The following PCDHGB2 variants were observed in gnomAD, a reference collection of about 807,000 sequenced individuals.
The protein encoded by PCDHGB2 is protocadherin gamma-B2.
A neutral mutation model predicts 59.3 loss-of-function variants in PCDHGB2; 55 were observed. The ratio of observed to expected loss-of-function variants is 0.93; its 90% CI spans 0.75 to 1.16. The LOEUF (loss-of-function observed/expected upper bound fraction) is 1.16, where lower values mean the gene tolerates loss of function less well. PCDHGB2 is among the 50% of genes most tolerant of loss of function. The pLI is 0.00. For missense variants in PCDHGB2, 1,228 were observed against 1,198.5 expected, an observed-to-expected ratio of 1.02 and a Z score of -0.36; for synonymous variants, 516 against 512.0, an observed-to-expected ratio of 1.01 and a Z score of -0.11.
chr5:141,422,131 G>T (rs747294750), intron 1 of PCDHGB2: 3 of 1,598,182 alleles, frequency 1.9e-6, no homozygotes, highest in Non-Finnish European at 2.6e-6. Context: ...AACTGGAGAA[G>T]TTCAAGTACG....
chr5:141,450,470 A>AGTTT (rs199699353), intron 1 of PCDHGB2, among the ~76,000 whole-genome samples: 2,037 of 151,800 alleles, frequency 0.013, 39 homozygotes, highest in African/African-American at 0.044. Flanking sequence ...TTATATATAG[A>AGTTT]GTTTGTTTGT....
At chr5:141,389,266 A>C in intron 1 of PCDHGB2, 1 of 1,614,022 alleles carries the variant, frequency 6.2e-7, no homozygotes, top group Non-Finnish European at 8.5e-7. Flanking sequence ...CACGTGGCCG[A>C]GAACAACCCG....
chr5:141,370,355 C>A, intron 1 of PCDHGB2: 3 of 1,508,892 alleles, frequency 2.0e-6, no homozygotes, highest in Non-Finnish European at 1.8e-6. Flanking sequence ...TAAAGATCTC[C>A]TCTCCTCGGA....
intron 1 of PCDHGB2, chr5:141,374,095 G>C (rs774100259): frequency 6.4e-7 from 1 of 1,556,900 alleles, no homozygotes. Context: ...TGGCGCCTCC[G>C]CAGAGGCATC....
chr5:141,397,805 A>G (rs1015155491), intron 1 of PCDHGB2, among the ~76,000 whole-genome samples: 1 of 152,236 alleles, frequency 6.6e-6, no homozygotes, highest in African/African-American at 2.4e-5. Flanking sequence ...TAAGTTAGGC[A>G]CACAAAAACA....
intron 2 of PCDHGB2, among the ~76,000 whole-genome samples, chr5:141,499,015 AG>A (rs2099788530): frequency 6.6e-6 from 1 of 151,284 alleles, no homozygotes; most frequent in Non-Finnish European, 1.5e-5. Context: ...GAAGGAAGGA[AG>A]GAAGGAAGGA....
At chr5:141,374,158 G>T in intron 1 of PCDHGB2, 1 of 1,612,410 alleles carries the variant, frequency 6.2e-7, no homozygotes, top group Non-Finnish European at 8.5e-7. Flanking sequence ...CGCTGTGGGG[G>T]GCCGCGGCAG....
intron 1 of PCDHGB2, chr5:141,428,502 G>T: frequency 7.1e-6 from 2 of 282,686 alleles, no homozygotes; most frequent in Non-Finnish European, 6.9e-6. Flanking sequence ...ATGTTCCCTC[G>T]GATTCTAGAA....
At chr5:141,510,431 G>A (rs912708135) in intron 3 of PCDHGB2, among the ~76,000 whole-genome samples, 9 of 152,132 alleles carry the variant, frequency 5.9e-5, no homozygotes, top group African/African-American at 1.9e-4. Flanking sequence ...TTTCATGGCT[G>A]CTGCCCTCCA....
At chr5:141,365,873 T>C in intron 1 of PCDHGB2, 2 of 1,614,096 alleles carry the variant, frequency 1.2e-6, no homozygotes, top group Non-Finnish European at 1.7e-6. Flanking sequence ...CGGTGTCCTG[T>C]ATGCTCTGAG....
intron 2 of PCDHGB2, among the ~76,000 whole-genome samples, chr5:141,498,956 AGAGG>A (rs1198207839): frequency 1.1e-4 from 14 of 124,162 alleles, no homozygotes; most frequent in East Asian, 2.7e-4. Context: ...AAAAAGAGAG[AGAGG>A]GAGGGAGGGA....
rs201540226 is a variant in PCDHGB2, at chr5:141,399,196, G to T, written c.2421+36640G>T. On this transcript the variant is annotated intron_variant, in intron 1 of 3. Coordinates refer to ENST00000522605, the MANE Select transcript of PCDHGB2 (RefSeq NM_018923.3). ...ACTTGAAATGATTCTGGAAAACGCG[G>T]TGCCTGGAACACTAATTGCTTTGAT... The T allele has an allele frequency of 4.2e-5, 67 of 1,613,820 alleles. 1 individual carries two copies. In the African/African-American group the frequency reaches 5.7e-4, roughly 14 times the overall value.
In PCDHGB2 at chr5:141,511,774, T is replaced by C. The variant is rs1173144009; in HGVS notation, c.*601T>C. 6.2e-6 allele frequency: 1 copy of C among 160,350 alleles called. No homozygotes were observed. The highest frequency in any genetic ancestry group is 1.4e-5 in the Non-Finnish European group (1 of 72,132). The allele number at this position is 160,350 out of a possible 1,614,324, so 9.9% of individuals were successfully genotyped here. A position where few individuals can be genotyped will look rare whatever the true frequency, so the allele number is the denominator to read the frequency against. On this transcript the variant is annotated 3_prime_UTR_variant, in exon 4 of 4. Coordinates refer to ENST00000522605, the MANE Select transcript of PCDHGB2 (RefSeq NM_018923.3). ...ATGATCACCATCCCCATGGTACTGA[T>C]GCTTGCTGGATTTAGGGAGGGCATT...
At chr5:141,392,957 C>T in intron 1 of PCDHGB2, 1 of 1,613,932 alleles carries the variant, frequency 6.2e-7, no homozygotes, top group Non-Finnish European at 8.5e-7. Flanking sequence ...TGGGTAATAT[C>T]TCCAAGGACC....
intron 1 of PCDHGB2, chr5:141,395,381 A>T (rs562557513): frequency 2.7e-6 from 3 of 1,094,770 alleles, no homozygotes; most frequent in Non-Finnish European, 3.8e-6. Flanking sequence ...TGGTGTTACT[A>T]TAAAATTGAA....
intron 2 of PCDHGB2, among the ~76,000 whole-genome samples, chr5:141,503,598 CAA>C (rs765754054): frequency 2.7e-4 from 18 of 65,718 alleles, no homozygotes; most frequent in Admixed American, 6.9e-4. Flanking sequence ...GACTCCAGCT[CAA>C]AAAAAAAAAA....
At chr5:141,366,709 G>C in intron 1 of PCDHGB2, 4 of 1,614,228 alleles carry the variant, frequency 2.5e-6, no homozygotes, top group Non-Finnish European at 2.5e-6. Flanking sequence ...CTCTTCTGAT[G>C]TCTGATAAGG....
intron 3 of PCDHGB2, among the ~76,000 whole-genome samples, chr5:141,509,066 C>A (rs1215686419): frequency 6.6e-6 from 1 of 152,172 alleles, no homozygotes; most frequent in Non-Finnish European, 1.5e-5. Context: ...GCTCTCAGCT[C>A]CGGGGATTTG....
intron 1 of PCDHGB2, chr5:141,378,580 C>T (rs999014628): frequency 2.6e-5 from 4 of 152,056 alleles, no homozygotes; most frequent in Non-Finnish European, 5.9e-5. Flanking sequence ...AAAACATGCT[C>T]GGTAGTGTCT....
Sources: gnomAD v4.1 joint callset for allele counts (sites outside exome capture counted in the v4.1 genomes callset) on GRCh38, gnomAD v4.1.1 for gene constraint, MANE v1.5 for transcripts, NCBI Gene and HGNC (gene_info 2026-07-23, HGNC 2026-07-21) for gene names.